ARIH1: variants seen among roughly 807,000 people sequenced by gnomAD.
ARIH1 encodes ariadne RBR E3 ubiquitin protein ligase 1.
ARIH1 carries 8 observed loss-of-function variants against 85.0 expected under a neutral mutation model. The ratio of observed to expected loss-of-function variants is 0.09; its 90% CI spans 0.06 to 0.17. The LOEUF is 0.17. Among genes scored for constraint, ARIH1 ranks in the 10% least tolerant of loss-of-function variants. The pLI, the probability that ARIH1 is intolerant of heterozygous loss-of-function variation, is 1.00. For missense variants in ARIH1, 311 were observed against 718.1 expected, an observed-to-expected ratio of 0.43 and a Z score of 6.48; for synonymous variants, 238 against 253.6, an observed-to-expected ratio of 0.94 and a Z score of 0.59.
chr15:72,549,800 TA>T (rs1423551703), intron 3 of ARIH1, among the ~76,000 whole-genome samples: 1 of 152,214 alleles, frequency 6.6e-6, no homozygotes, highest in African/African-American at 2.4e-5. Flanking sequence ...TTAAGTCCAT[TA>T]ATTTCTTTTG....
chr15:72,515,363 A>T (rs1711983223), intron 1 of ARIH1, among the ~76,000 whole-genome samples: 1 of 152,174 alleles, frequency 6.6e-6, no homozygotes, highest in African/African-American at 2.4e-5. Context: ...AAATAAAAAA[A>T]TATAAAATAA....
chr15:72,497,364 T>A (rs2063884149), intron 1 of ARIH1, among the ~76,000 whole-genome samples: 1 of 152,164 alleles, frequency 6.6e-6, no homozygotes, highest in African/African-American at 2.4e-5. Context: ...ATGAGGAAGA[T>A]TAAGAAATTC....
chr15:72,582,225 C>G lies in ARIH1; in HGVS notation c.1589+38C>G. 1 of 1,406,784 alleles carries G rather than the reference C, an allele frequency of 7.1e-7. No individual in the cohort carries two copies. The highest frequency in any genetic ancestry group is 1.4e-5 in the African/African-American group (1 of 70,346). 87.1% of individuals were successfully genotyped at this position (1,406,784 alleles called of 1,614,324 possible). A position where few individuals can be genotyped will look rare whatever the true frequency, so the allele number is the denominator to read the frequency against. On this transcript the variant is annotated intron_variant, in intron 13 of 13. Transcript: ENST00000379887. This position sits in a 1 kb window ranked among gnomAD's most constrained non-coding sequence, Gnocchi z 4.6. ...TAAGCTGTTGAATAAAACTTTCTGC[C>G]AGTGATGATCCTTACTGGTAAAGTT...
At chr15:72,529,177 C>T (rs1031289406) in intron 2 of ARIH1, among the ~76,000 whole-genome samples, 2 of 151,866 alleles carry the variant, frequency 1.3e-5, no homozygotes, top group African/African-American at 2.4e-5. Flanking sequence ...CCAGCCTGGG[C>T]GACAGAGCGA....
intron 1 of ARIH1, among the ~76,000 whole-genome samples, chr15:72,512,505 T>A (rs1349516779): frequency 1.3e-5 from 2 of 151,688 alleles, no homozygotes; most frequent in Non-Finnish European, 2.9e-5. Flanking sequence ...TGGTTTTGTT[T>A]CTCGGTTTTT....
At chr15:72,490,362 G>A (rs951131695) in intron 1 of ARIH1, among the ~76,000 whole-genome samples, 4 of 152,132 alleles carry the variant, frequency 2.6e-5, no homozygotes, top group African/African-American at 7.2e-5. Context: ...AGCAGGAGGC[G>A]AGCAGCCAGG....
At chr15:72,534,927 G>A (rs2064074361) in intron 2 of ARIH1, among the ~76,000 whole-genome samples, 1 of 148,800 alleles carries the variant, frequency 6.7e-6, no homozygotes, top group Non-Finnish European at 1.5e-5. Context: ...ATCACAAATC[G>A]ATGCCTCCTA....
chr15:72,485,053 G>A (rs1271485551), intron 1 of ARIH1, among the ~76,000 whole-genome samples: 3 of 152,148 alleles, frequency 2.0e-5, no homozygotes, highest in Non-Finnish European at 4.4e-5. Context: ...CAGCAGCGTA[G>A]AAGTGTTCCC....
chr15:72,478,309 G>C (rs562512897), intron 1 of ARIH1, among the ~76,000 whole-genome samples: 2 of 151,822 alleles, frequency 1.3e-5, no homozygotes, highest in South Asian at 4.2e-4. Flanking sequence ...TAGAGAGGGG[G>C]TTTCACCATG....
At position 72,474,912 on chromosome 15, in the gene ARIH1, G is replaced by C; in HGVS notation, c.273G>C (p.Pro91=). 8 of 1,459,592 alleles carry C rather than the reference G, an allele frequency of 5.5e-6. No individual in the cohort carries two copies. Among genetic ancestry groups the C allele is most frequent in the Non-Finnish European group, 7.3e-6 (8 of 1,100,950 alleles). The allele number at this position is 1,459,592 out of a possible 1,614,324, so 90.4% of individuals were successfully genotyped here. ...GCGGCGGCGGTGGTGGTGGCGGGCC[G>C]GGGCATGAGCAGGAGGAGGATTACC... The part of the protein sequence containing the change: ...GGGGGGGGGG[P]GHEQEEDYRY... Residue 91 remains proline (P), a synonymous_variant, in exon 1 of 14, where the codon CCG becomes CCC. Transcript: ENST00000379887.
intron 2 of ARIH1, among the ~76,000 whole-genome samples, chr15:72,521,558 T>G (rs946102340): frequency 3.9e-5 from 6 of 152,140 alleles, no homozygotes; most frequent in Non-Finnish European, 8.8e-5. Flanking sequence ...CTTTTTTTTT[T>G]TTAAGATGGA....
In ARIH1 at chr15:72,600,682, C is replaced by G. The variant is rs1034193758; in HGVS notation, c.*17390C>G. On this transcript the variant is annotated 3_prime_UTR_variant, in exon 14 of 14. Transcript: ENST00000379887. ...ACAGGTGTGAACCATAGTATCCAACCTATTATGTTTTTTTAAAAAGAGATT... is the reference window on the plus strand; with the variant it reads ...ACAGGTGTGAACCATAGTATCCAACGTATTATGTTTTTTTAAAAAGAGATT... The G allele has an allele frequency of 1.3e-5, 2 of 152,086 alleles. No individual in the cohort carries two copies. Among genetic ancestry groups the G allele is most frequent in the Admixed American group, 6.5e-5 (1 of 15,270 alleles). 9.4% of individuals were successfully genotyped at this position (152,086 alleles called of 1,614,324 possible).
intron 1 of ARIH1, among the ~76,000 whole-genome samples, chr15:72,504,635 A>G (rs1224910793): frequency 6.6e-6 from 1 of 152,156 alleles, no homozygotes; most frequent in Non-Finnish European, 1.5e-5. Flanking sequence ...TGGGTTGGCC[A>G]TCAGTAGTTT....
intron 2 of ARIH1, among the ~76,000 whole-genome samples, chr15:72,528,067 TAAC>T (rs1044752402): frequency 6.6e-6 from 1 of 152,076 alleles, no homozygotes; most frequent in African/African-American, 2.4e-5. Flanking sequence ...TTTAAGTTGA[TAAC>T]AAGTAAAAAA....
chr15:72,535,887 T>C (rs2064079825), intron 2 of ARIH1, among the ~76,000 whole-genome samples: 1 of 152,228 alleles, frequency 6.6e-6, no homozygotes. Flanking sequence ...TTTTGGGGAC[T>C]GTAGTCTCTT....
In ARIH1 at chr15:72,591,037, C is replaced by CTTTTGTCTG. The variant is rs1260839536; in HGVS notation, c.*7745_*7746insTTTTGTCTG. The CTTTTGTCTG allele has an allele frequency of 3.3e-5, 5 of 151,766 alleles. No individual in the cohort carries two copies. Among genetic ancestry groups the CTTTTGTCTG allele is most frequent in the African/African-American group, 1.2e-4 (5 of 41,304 alleles). 9.4% of individuals were successfully genotyped at this position (151,766 alleles called of 1,614,324 possible). On this transcript the variant is annotated 3_prime_UTR_variant, in exon 14 of 14. Coordinates refer to ENST00000379887, the MANE Select transcript of ARIH1 (RefSeq NM_005744.5). ...GGGAGTTCGAGACCAGCCTGGCCAA[C>CTTTTGTCTG]ACAGTGAAACCTCATCTCTACTAAA...
In ARIH1 at chr15:72,590,592, G is replaced by C. The variant is rs1243329440; in HGVS notation, c.*7300G>C. ...TTAAAAGATTACTATTTTTTTAGAG[G>C]TGGGGTCTCACTATGTTGCCCAGGC... On this transcript the variant is annotated 3_prime_UTR_variant, in exon 14 of 14. Transcript: ENST00000379887. 1 of 151,732 alleles carries C rather than the reference G, an allele frequency of 6.6e-6. No homozygotes were observed. Among genetic ancestry groups the C allele is most frequent in the Non-Finnish European group, 1.5e-5 (1 of 67,948 alleles). The allele number at this position is 151,732 out of a possible 1,614,324, so 9.4% of individuals were successfully genotyped here.
At chr15:72,526,512 T>C (rs570780585) in intron 2 of ARIH1, among the ~76,000 whole-genome samples, 2 of 152,292 alleles carry the variant, frequency 1.3e-5, no homozygotes, top group South Asian at 4.1e-4. Flanking sequence ...GGAGGGTCAC[T>C]TGAAGCCAGG....
chr15:72,493,232 C>T (rs1251403387), intron 1 of ARIH1, among the ~76,000 whole-genome samples: 2 of 152,112 alleles, frequency 1.3e-5, no homozygotes, highest in East Asian at 3.8e-4. Context: ...ATATTGGAGA[C>T]TAGCAGTGCA....
Sources: allele counts gnomAD v4.1 joint callset (sites outside exome capture counted in the v4.1 genomes callset), GRCh38; gene constraint gnomAD v4.1.1; non-coding constraint Gnocchi (gnomAD v3.1); transcripts MANE v1.5; gene names NCBI Gene and HGNC (gene_info 2026-07-23, HGNC 2026-07-21).